Variants in XYLT1 observed in about 807,000 individuals in gnomAD.
The protein encoded by XYLT1 is xylosyltransferase 1.
XYLT1 carries 36 observed loss-of-function variants against 91.3 expected under a neutral mutation model. The observed-to-expected ratio is 0.39, with a 90% confidence interval of 0.30 to 0.52. The LOEUF is 0.52. Among genes scored for constraint, XYLT1 ranks in the 20% least tolerant of loss-of-function variants. The probability of loss-of-function intolerance (pLI) is 0.68; values close to 1 mark genes in which losing one functional copy is unlikely to be tolerated. For missense variants in XYLT1, 1,242 were observed against 1,284.5 expected (o/e 0.97, Z 0.51); for synonymous variants, 588 against 532.0 (o/e 1.11, Z -1.45).
chr16:17,367,021 C>T (rs2035463553), intron 1 of XYLT1, among the ~76,000 whole-genome samples: 1 of 151,958 alleles, frequency 6.6e-6, no homozygotes, highest in Admixed American at 6.6e-5. Context: ...CATTTCCTTG[C>T]TGCGAGTCTT....
intron 2 of XYLT1, among the ~76,000 whole-genome samples, chr16:17,345,096 C>A (rs550611065): frequency 1.3e-5 from 2 of 152,250 alleles, no homozygotes; most frequent in East Asian, 3.9e-4. Flanking sequence ...GAGGTGAGAC[C>A]CAAGGGGCCA....
chr16:17,446,540 G>GA (rs373298855), intron 1 of XYLT1, among the ~76,000 whole-genome samples: 2,363 of 150,390 alleles, frequency 0.016, 35 homozygotes, highest in Middle Eastern at 0.034. Context: ...CCTCTTCTAG[G>GA]AAAAAAAAAT....
chr16:17,208,048 A>G (rs1260086574), intron 3 of XYLT1, among the ~76,000 whole-genome samples: 1 of 151,912 alleles, frequency 6.6e-6, no homozygotes, highest in African/African-American at 2.4e-5. Context: ...GTGCAGTGGC[A>G]TGATCATAGG....
intron 3 of XYLT1, among the ~76,000 whole-genome samples, chr16:17,207,060 T>C (rs200307440): frequency 3.6e-5 from 5 of 139,988 alleles, no homozygotes; most frequent in Admixed American, 7.0e-5. Flanking sequence ...TTCTTTTTTT[T>C]TTTTTTTTTT....
At chr16:17,340,822 T>C (rs993336234) in intron 2 of XYLT1, among the ~76,000 whole-genome samples, 1 of 152,206 alleles carries the variant, frequency 6.6e-6, no homozygotes, top group Non-Finnish European at 1.5e-5. Context: ...TCATTATCCA[T>C]CATTTCCTCC....
chr16:17,424,597 G>A (rs2036289747), intron 1 of XYLT1, among the ~76,000 whole-genome samples: 1 of 152,056 alleles, frequency 6.6e-6, no homozygotes, highest in African/African-American at 2.4e-5. Flanking sequence ...ACAGCCGGGT[G>A]CGGTGGCTCA....
intron 3 of XYLT1, among the ~76,000 whole-genome samples, chr16:17,207,592 C>T (rs1052144522): frequency 6.6e-6 from 1 of 152,140 alleles, no homozygotes; most frequent in Non-Finnish European, 1.5e-5. Context: ...TGAGAGGTTG[C>T]CCATGGCTGT....
intron 2 of XYLT1, among the ~76,000 whole-genome samples, chr16:17,305,132 AGC>A (rs2034452231): frequency 6.6e-6 from 1 of 152,176 alleles, no homozygotes; most frequent in African/African-American, 2.4e-5. Flanking sequence ...ACAGAGGTTC[AGC>A]AAAGTGCTGA....
At chr16:17,167,133 C>T (rs993097702) in intron 5 of XYLT1, among the ~76,000 whole-genome samples, 1 of 152,230 alleles carries the variant, frequency 6.6e-6, no homozygotes, top group Non-Finnish European at 1.5e-5. Context: ...ATGCAGACCT[C>T]AGTGCCCCAG....
chr16:17,376,701 C>A (rs2035605475), intron 1 of XYLT1, among the ~76,000 whole-genome samples: 1 of 152,016 alleles, frequency 6.6e-6, no homozygotes, highest in Non-Finnish European at 1.5e-5. Flanking sequence ...ATGGCTTGCA[C>A]CTGTAATCCC....
intron 1 of XYLT1, among the ~76,000 whole-genome samples, chr16:17,412,966 A>G (rs2036130923): frequency 6.6e-6 from 1 of 152,166 alleles, no homozygotes. Flanking sequence ...TCTGCGACCA[A>G]TATAGGCCAA....
chr16:17,127,878 T>C lies in XYLT1; in HGVS notation c.2028-17A>G. The C allele has an allele frequency of 6.2e-7, 1 of 1,610,234 alleles. No individual in the cohort carries two copies. The highest frequency in any genetic ancestry group is 8.5e-7 in the Non-Finnish European group (1 of 1,178,370). On this transcript the variant is annotated splice_polypyrimidine_tract_variant and intron_variant, in intron 9 of 11. Transcript: ENST00000261381. ...GGGTAGTATCTGAAAACACAGGCGC[T>C]CATGCATTAGGGCCCAAGGTGTGTA...
intron 3 of XYLT1, among the ~76,000 whole-genome samples, chr16:17,219,280 CAAAAAAAA>C (rs369055155): frequency 2.4e-5 from 2 of 85,068 alleles, no homozygotes; most frequent in African/African-American, 4.7e-5. Flanking sequence ...GACTTTGTCT[CAAAAAAAA>C]AAAAAAAAAA....
intron 10 of XYLT1, among the ~76,000 whole-genome samples, chr16:17,120,948 T>G (rs1358062789): frequency 6.6e-6 from 1 of 152,232 alleles, no homozygotes; most frequent in Non-Finnish European, 1.5e-5. Context: ...GTCAACTCTA[T>G]TGTAACCATT....
intron 2 of XYLT1, among the ~76,000 whole-genome samples, chr16:17,323,169 C>T (rs772754571): frequency 2.6e-5 from 4 of 152,218 alleles, no homozygotes; most frequent in Non-Finnish European, 5.9e-5. Flanking sequence ...ATTTTCCAAT[C>T]AACACTGGTT....
At chr16:17,362,168 T>C (rs1307315204) in intron 1 of XYLT1, among the ~76,000 whole-genome samples, 1 of 152,210 alleles carries the variant, frequency 6.6e-6, no homozygotes, top group Non-Finnish European at 1.5e-5. Context: ...AATCCTACAA[T>C]TTTTGGATAA....
chr16:17,163,922 G>A (rs1011167135), intron 5 of XYLT1, among the ~76,000 whole-genome samples: 2 of 151,510 alleles, frequency 1.3e-5, no homozygotes, highest in Non-Finnish European at 2.9e-5. Flanking sequence ...GGTGGCATGC[G>A]CCTGTGATCC....
At position 17,138,471 on chromosome 16, in the gene XYLT1, GGTT is replaced by G. The variant is rs747223015; in HGVS notation, c.1645_1647del (p.Asn549del). The G allele has an allele frequency of 6.2e-7, 1 of 1,614,188 alleles. No individual in the cohort carries two copies. On this transcript the variant is annotated inframe_deletion, in exon 8 of 12. Coordinates refer to ENST00000261381, the MANE Select transcript of XYLT1 (RefSeq NM_022166.4). Reference sequence around the variant, plus strand: ...TTGCGATTCCAGTTGGTGATGCGCAGGTTGTTGTCCACCATGGTGTCGCAGTGG... The same window carrying G: ...TTGCGATTCCAGTTGGTGATGCGCAGGTTGTCCACCATGGTGTCGCAGTGG...
chr16:17,256,183 C>G (rs1413990272), intron 3 of XYLT1, among the ~76,000 whole-genome samples: 1 of 152,180 alleles, frequency 6.6e-6, no homozygotes, highest in East Asian at 1.9e-4. Flanking sequence ...AGCCCTCTTT[C>G]TGTGCAATGA....
Sources: gnomAD v4.1 joint callset for allele counts (sites outside exome capture counted in the v4.1 genomes callset) on GRCh38, gnomAD v4.1.1 for gene constraint, MANE v1.5 for transcripts, NCBI Gene and HGNC (gene_info 2026-07-23, HGNC 2026-07-21) for gene names.